RBM20: variants seen among roughly 807,000 people sequenced by gnomAD.
RBM20 encodes the protein RNA-binding protein 20.
Under a neutral mutation model 110.1 loss-of-function variants are expected in RBM20, and 51 were observed. The observed-to-expected ratio is 0.46, with a 90% CI of 0.37 to 0.59. RBM20 has a LOEUF of 0.59. Ranked by LOEUF, RBM20 falls within the 20% of genes least tolerant of loss-of-function variation. The probability of loss-of-function intolerance (pLI) is 0.00; values close to 1 mark genes in which losing one functional copy is unlikely to be tolerated. For missense variants in RBM20, 1,512 were observed against 1,574.9 expected (o/e 0.96, Z 0.68); for synonymous variants, 589 against 618.2 (o/e 0.95, Z 0.70).
intron 5 of RBM20, among the ~76,000 whole-genome samples, chr10:110,793,753 G>T (rs1326888894): frequency 1.3e-5 from 2 of 152,242 alleles, no homozygotes; most frequent in Non-Finnish European, 2.9e-5. Context: ...CCTAGGTGAT[G>T]TGCTAAGTTA....
chr10:110,783,387 G>A lies in RBM20; in HGVS notation c.1297G>A (p.Gly433Arg). ...CTAGGACTGGGAGCTGCATGTGAAA[G>A]GGAAGCTGCACGCTCAGAAATGCCT... ...DLKDWELHVK[G>R]KLHAQKCLVF... The change falls in exon 3 of 14, where the codon GGG (glycine) becomes AGG (arginine). Residue 433 changes from glycine (G) to arginine (R), a missense_variant. By Grantham distance (125) the Gly-to-Arg change is moderately radical. Around this residue, in one of 3 missense-constraint regions of RBM20, gnomAD observed 1,149 missense variants for 1,169.4 expected, o/e 0.98. Transcript: ENST00000369519. 6.4e-7 allele frequency: 1 copy of A among 1,551,516 alleles called. No individual in the cohort carries two copies. The highest frequency in any genetic ancestry group is 2.4e-5 in the East Asian group (1 of 40,920).
chr10:110,818,591 G>A (rs1346405641), intron 9 of RBM20, among the ~76,000 whole-genome samples: 1 of 152,250 alleles, frequency 6.6e-6, no homozygotes, highest in African/African-American at 2.4e-5. Flanking sequence ...CCACAGCAAA[G>A]GGAAGCTCTG....
chr10:110,790,559 A>T (rs913017677), intron 5 of RBM20, among the ~76,000 whole-genome samples: 2 of 152,278 alleles, frequency 1.3e-5, no homozygotes, highest in African/African-American at 4.8e-5. Context: ...TGCTTTTGTT[A>T]TAAGTATATA....
chr10:110,831,652 C>G (rs1295942315), intron 13 of RBM20: 1 of 142,036 alleles, frequency 7.0e-6, no homozygotes, highest in Non-Finnish European at 1.5e-5. Context: ...TGCAGGTATC[C>G]CTGCTTGCTA....
chr10:110,677,896 C>G (rs1227319724), intron 1 of RBM20, among the ~76,000 whole-genome samples: 1 of 152,146 alleles, frequency 6.6e-6, no homozygotes, highest in Non-Finnish European at 1.5e-5. Flanking sequence ...TTTGCACCCT[C>G]TAGATGTTGC....
chr10:110,695,576 A>G lies in RBM20; in HGVS notation c.191+50931A>G, dbSNP rs1398762196. Reference sequence around the variant, plus strand: ...CAACCAACTCCTCTTCTGGTTAAACAAAGGAGGTGATGTATTGAAGAGAGG... The same window carrying G: ...CAACCAACTCCTCTTCTGGTTAAACGAAGGAGGTGATGTATTGAAGAGAGG... On this transcript the variant is annotated intron_variant, in intron 1 of 13. Coordinates refer to ENST00000369519, the MANE Select transcript of RBM20 (RefSeq NM_001134363.3). Among the ~76,000 whole-genome samples, 38 of 152,216 alleles carry G rather than the reference A, an allele frequency of 2.5e-4. 1 individual carries two copies. Among genetic ancestry groups the G allele is most frequent in the Admixed American group, 2.5e-3 (38 of 15,284 alleles).
At chr10:110,765,631 C>T (rs190008234) in intron 1 of RBM20, among the ~76,000 whole-genome samples, 1 of 152,218 alleles carries the variant, frequency 6.6e-6, no homozygotes, top group Admixed American at 6.5e-5. Context: ...CATGACTCAC[C>T]TCATTTCTCT....
chr10:110,722,925 A>G (rs10885026), intron 1 of RBM20, among the ~76,000 whole-genome samples: 80,381 of 151,864 alleles, frequency 0.53, 22,060 homozygotes, highest in East Asian at 0.97. Context: ...TAGCCTGGCC[A>G]AAAAGGCAAA....
At chr10:110,761,077 A>G (rs1843992150) in intron 1 of RBM20, 1 of 147,778 alleles carries the variant, frequency 6.8e-6, no homozygotes, top group Non-Finnish European at 1.5e-5. Context: ...AGCCTGGGCA[A>G]CAAGAGCAAG....
At chr10:110,703,753 G>A (rs371554917) in intron 1 of RBM20, among the ~76,000 whole-genome samples, 6 of 152,120 alleles carry the variant, frequency 3.9e-5, no homozygotes, top group African/African-American at 9.7e-5. Flanking sequence ...GCCCTTTGAC[G>A]AAACACCTGG....
intron 1 of RBM20, among the ~76,000 whole-genome samples, chr10:110,665,740 T>C (rs1002518996): frequency 2.8e-4 from 42 of 152,300 alleles, no homozygotes; most frequent in African/African-American, 1.0e-3. Context: ...TCATGTATTA[T>C]TTATTTGATT....
In RBM20 at chr10:110,781,006, C is replaced by G. The variant is rs1446238793; in HGVS notation, c.397C>G (p.Leu133Val). Residue 133 changes from leucine to valine, a missense_variant, in exon 2 of 14, where the codon CTC (leucine) becomes GTC (valine). Transcript: ENST00000369519. ...VLSKVAMSQP[L>V]FNQLRHPSVI... ...CTCCAAAGTGGCCATGTCCCAGCCT[C>G]TCTTCAATCAACTGAGGCATCCGTC... 6.4e-7 allele frequency: 1 copy of G among 1,551,812 alleles called. No homozygotes were observed. Among genetic ancestry groups the G allele is most frequent in the Non-Finnish European group, 8.7e-7 (1 of 1,147,054 alleles).
intron 1 of RBM20, among the ~76,000 whole-genome samples, chr10:110,726,808 G>A (rs919347444): frequency 1.3e-5 from 2 of 152,244 alleles, no homozygotes; most frequent in African/African-American, 4.8e-5. Context: ...TAAGCTGAGG[G>A]CAGGGGCCCA....
chr10:110,752,235 C>T (rs1281231731), intron 1 of RBM20, among the ~76,000 whole-genome samples: 1 of 152,180 alleles, frequency 6.6e-6, no homozygotes, highest in Non-Finnish European at 1.5e-5. Context: ...AATCACTGAC[C>T]CTTTTACTGT....
chr10:110,657,088 T>C (rs577054777), intron 1 of RBM20, among the ~76,000 whole-genome samples: 2 of 151,804 alleles, frequency 1.3e-5, no homozygotes, highest in Non-Finnish European at 3.0e-5. Context: ...GTGATCTCGA[T>C]TCACTGCAAC....
Position 110,644,743 on chromosome 10 carries a change from C to T in RBM20, c.191+98C>T. On this transcript the variant is annotated intron_variant, in intron 1 of 13. Transcript: ENST00000369519. This position sits in a 1 kb window ranked among gnomAD's most constrained non-coding sequence, Gnocchi z 4.3. ...CATTTCCCGTCCCTGCTGAACTTCG[C>T]TCGCCCCCCTTGGGTTTGAAGTTTT... 1 of 940,886 alleles carries T rather than the reference C, an allele frequency of 1.1e-6. No homozygotes were observed. Among genetic ancestry groups the T allele is most frequent in the Non-Finnish European group, 1.5e-6 (1 of 670,654 alleles). The allele number at this position is 940,886 out of a possible 1,614,324, so 58.3% of individuals were successfully genotyped here.
chr10:110,788,486 C>G (rs950875596), intron 5 of RBM20, among the ~76,000 whole-genome samples: 1 of 152,220 alleles, frequency 6.6e-6, no homozygotes, highest in Non-Finnish European at 1.5e-5. Flanking sequence ...TGAGCCTCCT[C>G]AAGCCTATCT....
At chr10:110,728,518 G>A (rs1192135452) in intron 1 of RBM20, among the ~76,000 whole-genome samples, 1 of 152,066 alleles carries the variant, frequency 6.6e-6, no homozygotes, top group Admixed American at 6.5e-5. Context: ...TATGCCTCAG[G>A]GTCAAGGTGA....
At chr10:110,726,693 G>A (rs1206845452) in intron 1 of RBM20, among the ~76,000 whole-genome samples, 2 of 151,764 alleles carry the variant, frequency 1.3e-5, no homozygotes, top group East Asian at 3.8e-4. Flanking sequence ...GCAGGTTCAA[G>A]GGTCTCCAAG....
Sources: gnomAD v4.1 joint callset for allele counts (sites outside exome capture counted in the v4.1 genomes callset) on GRCh38, gnomAD v4.1.1 for gene constraint, gnomAD v4.1.1 regional missense constraint, Gnocchi (gnomAD v3.1) non-coding constraint, MANE v1.5 for transcripts, NCBI Gene and HGNC (gene_info 2026-07-23, HGNC 2026-07-21) for gene names.